The following PPP1R9A variants were observed in gnomAD, a reference collection of about 807,000 sequenced individuals.
PPP1R9A encodes protein phosphatase 1 regulatory subunit 9A.
PPP1R9A carries 59 observed loss-of-function variants against 141.9 expected under a neutral mutation model. The ratio of observed to expected loss-of-function variants is 0.42; its 90% CI spans 0.34 to 0.52. PPP1R9A has a LOEUF of 0.52. PPP1R9A is among the 20% of genes least tolerant of loss of function. The pLI is 0.10. For missense variants in PPP1R9A, 1,444 were observed against 1,611.9 expected (o/e 0.90, Z 1.78); for synonymous variants, 500 against 569.7 (o/e 0.88, Z 1.74).
intron 2 of PPP1R9A, among the ~76,000 whole-genome samples, chr7:94,950,188 A>G (rs1419429249): frequency 1.3e-5 from 2 of 152,008 alleles, no homozygotes; most frequent in Admixed American, 6.6e-5. Context: ...GATGAGTGAG[A>G]TTTCTGTCAT....
chr7:95,157,860 A>T (rs2152694936), intron 4 of PPP1R9A, among the ~76,000 whole-genome samples: 1 of 152,326 alleles, frequency 6.6e-6, no homozygotes, highest in East Asian at 1.9e-4. Flanking sequence ...ATTTTCTTTG[A>T]AGGGAAAAGT....
intron 4 of PPP1R9A, among the ~76,000 whole-genome samples, chr7:95,128,588 T>G (rs374731046): frequency 6.6e-6 from 1 of 152,004 alleles, no homozygotes; most frequent in Non-Finnish European, 1.5e-5. Context: ...TTTGTTTGTT[T>G]GTTTTGAGAT....
intron 2 of PPP1R9A, among the ~76,000 whole-genome samples, chr7:95,043,811 TAAACTGTTAAA>T (rs1311206064): frequency 6.6e-6 from 1 of 152,218 alleles, no homozygotes; most frequent in Non-Finnish European, 1.5e-5. Flanking sequence ...CCTCTAACGA[TAAACTGTTAAA>T]ACATCATCTC....
intron 4 of PPP1R9A, among the ~76,000 whole-genome samples, chr7:95,154,532 T>A (rs1829271340): frequency 6.6e-6 from 1 of 152,162 alleles, no homozygotes; most frequent in South Asian, 2.1e-4. Context: ...AAGAATTTTT[T>A]CCCTAAATTA....
At chr7:95,241,037 C>T (rs990644942) in intron 8 of PPP1R9A, among the ~76,000 whole-genome samples, 5 of 152,004 alleles carry the variant, frequency 3.3e-5, no homozygotes, top group Admixed American at 3.3e-4. Context: ...CGTGTCCAGC[C>T]CAGTTGCTAT....
chr7:95,210,029 TAG>T (rs1035958662), intron 7 of PPP1R9A, among the ~76,000 whole-genome samples: 3 of 152,182 alleles, frequency 2.0e-5, no homozygotes, highest in African/African-American at 7.2e-5. Context: ...ATTTGAATTA[TAG>T]AGGTCCACTT....
intron 2 of PPP1R9A, among the ~76,000 whole-genome samples, chr7:94,922,290 A>G (rs1428572513): frequency 1.3e-5 from 2 of 152,008 alleles, no homozygotes; most frequent in Non-Finnish European, 2.9e-5. Context: ...GCCAGTACTT[A>G]GTTTTATTTA....
chr7:95,064,385 G>A (rs67566881), intron 2 of PPP1R9A, among the ~76,000 whole-genome samples: 62,406 of 151,962 alleles, frequency 0.41, 13,590 homozygotes, highest in African/African-American at 0.46. Flanking sequence ...TATTTTCTCC[G>A]TAAGGCACAT....
At chr7:95,202,206 A>C (rs1471904316) in intron 6 of PPP1R9A, among the ~76,000 whole-genome samples, 14 of 152,168 alleles carry the variant, frequency 9.2e-5, no homozygotes, top group Admixed American at 3.9e-4. Context: ...AATTTAAGCT[A>C]TGTAGATAAT....
chr7:95,117,644 ATAGT>A (rs1821755474), intron 3 of PPP1R9A, among the ~76,000 whole-genome samples: 1 of 152,192 alleles, frequency 6.6e-6, no homozygotes, highest in Non-Finnish European at 1.5e-5. Flanking sequence ...TTCACTCAAG[ATAGT>A]TGCAGGAAGA....
chr7:95,108,020 T>A (rs953007268), intron 2 of PPP1R9A, among the ~76,000 whole-genome samples: 2 of 152,064 alleles, frequency 1.3e-5, no homozygotes, highest in African/African-American at 4.8e-5. Flanking sequence ...GTTTTGATCA[T>A]TTTGTTGTAT....
intron 2 of PPP1R9A, among the ~76,000 whole-genome samples, chr7:94,987,164 G>T (rs1200794230): frequency 1.3e-5 from 2 of 152,186 alleles, no homozygotes; most frequent in Non-Finnish European, 2.9e-5. Context: ...TGACAAAGTA[G>T]GGAATATTTG....
chr7:95,246,595 T>C (rs1798150061), intron 8 of PPP1R9A, among the ~76,000 whole-genome samples: 1 of 152,186 alleles, frequency 6.6e-6, no homozygotes, highest in African/African-American at 2.4e-5. Flanking sequence ...AAGCAATTTG[T>C]AGAAGATACA....
intron 9 of PPP1R9A, 115 bp from the exon 10 acceptor site, chr7:95,249,911 G>A: frequency 7.5e-7 from 1 of 1,337,960 alleles, no homozygotes; most frequent in Non-Finnish European, 9.9e-7. Flanking sequence ...CATCTCAAGT[G>A]GATTCAGTGA....
chr7:95,275,934 T>C (rs1803101974), intron 16 of PPP1R9A, among the ~76,000 whole-genome samples: 2 of 152,248 alleles, frequency 1.3e-5, no homozygotes, highest in South Asian at 4.2e-4. Context: ...AGGACAACAA[T>C]CTCAGGAAAA....
chr7:95,045,073 C>T (rs988234801), intron 2 of PPP1R9A, among the ~76,000 whole-genome samples: 16 of 152,064 alleles, frequency 1.1e-4, no homozygotes, highest in African/African-American at 3.9e-4. Context: ...CTTTTAACTC[C>T]TTCAAGCATG....
intron 8 of PPP1R9A, among the ~76,000 whole-genome samples, chr7:95,234,053 G>T (rs942083198): frequency 2.6e-5 from 4 of 152,108 alleles, no homozygotes; most frequent in Non-Finnish European, 5.9e-5. Flanking sequence ...AGCCATCTAT[G>T]ACAGACCCAC....
intron 2 of PPP1R9A, among the ~76,000 whole-genome samples, chr7:94,959,867 G>A (rs1485484869): frequency 6.6e-6 from 1 of 151,656 alleles, no homozygotes; most frequent in Admixed American, 6.6e-5. Flanking sequence ...AATCTCCTCA[G>A]AAGTATATTA....
intron 10 of PPP1R9A, among the ~76,000 whole-genome samples, 155 bp downstream of exon 10, chr7:95,250,410 T>A (rs572768309): frequency 6.6e-6 from 1 of 152,368 alleles, no homozygotes; most frequent in African/African-American, 2.4e-5. Flanking sequence ...CATTAAGTTT[T>A]GGAAGTCACT....
Sources: allele counts gnomAD v4.1 joint callset (sites outside exome capture counted in the v4.1 genomes callset), GRCh38; gene constraint gnomAD v4.1.1; transcripts MANE v1.5; gene names NCBI Gene and HGNC (gene_info 2026-07-23, HGNC 2026-07-21).